Variants in ATP8A1 observed in about 807,000 individuals in gnomAD.
ATP8A1 encodes the protein ATPase phospholipid transporting 8A1, also known as phospholipid-transporting ATPase IA.
Under a neutral mutation model 177.7 loss-of-function variants are expected in ATP8A1, and 90 were observed. That is an observed-to-expected ratio of 0.51 (90% confidence interval 0.43 to 0.60). ATP8A1 has a LOEUF of 0.60. Ranked by LOEUF, ATP8A1 falls within the 20% of genes least tolerant of loss-of-function variation. The pLI is 0.00. For synonymous variants in ATP8A1, 493 were observed against 485.9 expected (o/e 1.01, Z -0.19); for missense variants, 1,072 against 1,392.8 (o/e 0.77, Z 3.67).
At chr4:42,506,160 G>C (rs768331337) in intron 23 of ATP8A1, among the ~76,000 whole-genome samples, 2 of 152,156 alleles carry the variant, frequency 1.3e-5, no homozygotes, top group Non-Finnish European at 2.9e-5. Flanking sequence ...GAATGTTTGT[G>C]TTCCCCCCAA....
chr4:42,494,442 T>A (rs1723065332), intron 24 of ATP8A1, among the ~76,000 whole-genome samples: 1 of 152,180 alleles, frequency 6.6e-6, no homozygotes, highest in Non-Finnish European at 1.5e-5. Flanking sequence ...GCCACTGCAC[T>A]CCAGACTGGG....
At chr4:42,434,983 G>C (rs946075430) in intron 33 of ATP8A1, among the ~76,000 whole-genome samples, 1 of 152,188 alleles carries the variant, frequency 6.6e-6, no homozygotes, top group African/African-American at 2.4e-5. Flanking sequence ...GTTTAATCCA[G>C]TTACTTTTTT....
intron 33 of ATP8A1, among the ~76,000 whole-genome samples, chr4:42,441,473 A>G (rs981462021): frequency 2.5e-4 from 38 of 152,322 alleles, no homozygotes; most frequent in Non-Finnish European, 1.0e-4. Context: ...TAACATAACT[A>G]GTGACCCTAT....
intron 33 of ATP8A1, among the ~76,000 whole-genome samples, chr4:42,436,127 G>A (rs926583754): frequency 2.0e-5 from 3 of 152,124 alleles, no homozygotes; most frequent in Non-Finnish European, 4.4e-5. Context: ...AAGCTGTGCC[G>A]TACCAGGAGC....
chr4:42,623,521 A>T (rs1377736852), intron 4 of ATP8A1, among the ~76,000 whole-genome samples: 1 of 152,236 alleles, frequency 6.6e-6, no homozygotes, highest in East Asian at 1.9e-4. Context: ...GCCATAAAAA[A>T]GAACGAGATC....
chr4:42,529,088 T>C (rs887742710), intron 20 of ATP8A1, among the ~76,000 whole-genome samples: 5 of 152,286 alleles, frequency 3.3e-5, no homozygotes, highest in Non-Finnish European at 2.9e-5. Flanking sequence ...CAAGTGACCC[T>C]AAAGGCCACT....
At chr4:42,535,366 GA>G (rs1254828328) in intron 20 of ATP8A1, among the ~76,000 whole-genome samples, 1 of 152,082 alleles carries the variant, frequency 6.6e-6, no homozygotes, top group African/African-American at 2.4e-5. Flanking sequence ...AAAAGACAAA[GA>G]GGGACATTAT....
At chr4:42,445,826 T>C (rs1717151592) in intron 31 of ATP8A1, among the ~76,000 whole-genome samples, 1 of 152,172 alleles carries the variant, frequency 6.6e-6, no homozygotes, top group Non-Finnish European at 1.5e-5. Flanking sequence ...ATGCCTTTAA[T>C]CCCAGCACTT....
intron 29 of ATP8A1, among the ~76,000 whole-genome samples, chr4:42,452,319 C>T (rs1157897958): frequency 2.0e-5 from 3 of 151,700 alleles, no homozygotes; most frequent in African/African-American, 7.3e-5. Context: ...AAATTTCTGC[C>T]TGAAAAAGAA....
chr4:42,436,883 T>C (rs561002594), intron 33 of ATP8A1, among the ~76,000 whole-genome samples: 1 of 152,348 alleles, frequency 6.6e-6, no homozygotes, highest in South Asian at 2.1e-4. Context: ...ATTTATTATG[T>C]TGGATAAAAT....
chr4:42,490,294 C>T (rs891056047), intron 24 of ATP8A1, among the ~76,000 whole-genome samples: 9 of 152,208 alleles, frequency 5.9e-5, no homozygotes, highest in Non-Finnish European at 8.8e-5. Flanking sequence ...CCCAACACAA[C>T]CTCTAGGTTC....
chr4:42,572,181 A>T (rs1447646503), intron 14 of ATP8A1, among the ~76,000 whole-genome samples: 1 of 152,216 alleles, frequency 6.6e-6, no homozygotes, highest in Non-Finnish European at 1.5e-5. Flanking sequence ...CTAGGGGCAT[A>T]AACACCTTGC....
At chr4:42,487,044 G>C (rs1156277361) in intron 24 of ATP8A1, among the ~76,000 whole-genome samples, 1 of 152,146 alleles carries the variant, frequency 6.6e-6, no homozygotes, top group Non-Finnish European at 1.5e-5. Flanking sequence ...TTAACTCCTA[G>C]TAACTAAGAG....
intron 20 of ATP8A1, among the ~76,000 whole-genome samples, chr4:42,531,876 T>C (rs1727293232): frequency 6.6e-6 from 1 of 152,010 alleles, no homozygotes. Flanking sequence ...CCTAGCAGTT[T>C]GGGAGGCTGA....
chr4:42,482,967 CA>C (rs1340772196), intron 25 of ATP8A1, among the ~76,000 whole-genome samples: 5 of 152,120 alleles, frequency 3.3e-5, no homozygotes, highest in Non-Finnish European at 7.4e-5. Flanking sequence ...AAATAATAAT[CA>C]GTATTTATCT....
chr4:42,556,875 A>G (rs1197096222), intron 15 of ATP8A1, among the ~76,000 whole-genome samples: 1 of 152,214 alleles, frequency 6.6e-6, no homozygotes, highest in Non-Finnish European at 1.5e-5. Context: ...ACTGAGGGAA[A>G]AAAATGTGTC....
chr4:42,520,820 A>T (rs1208773297), intron 22 of ATP8A1, among the ~76,000 whole-genome samples: 1 of 152,216 alleles, frequency 6.6e-6, no homozygotes, highest in Non-Finnish European at 1.5e-5. Flanking sequence ...ATTTATATTT[A>T]GGTATCTTCC....
chr4:42,484,863 T>C (rs1578027860), intron 25 of ATP8A1, among the ~76,000 whole-genome samples: 1 of 152,170 alleles, frequency 6.6e-6, no homozygotes, highest in South Asian at 2.1e-4. Flanking sequence ...ATATTCATCA[T>C]ATTCATGAAC....
intron 15 of ATP8A1, among the ~76,000 whole-genome samples, chr4:42,567,420 T>C (rs987113565): frequency 2.0e-5 from 3 of 152,048 alleles, no homozygotes; most frequent in Non-Finnish European, 4.4e-5. Flanking sequence ...ATGCCTGTAG[T>C]CCCAGCTACT....
Sources: gnomAD v4.1 joint callset for allele counts (sites outside exome capture counted in the v4.1 genomes callset) on GRCh38, gnomAD v4.1.1 for gene constraint, MANE v1.5 for transcripts, NCBI Gene and HGNC (gene_info 2026-07-23, HGNC 2026-07-21) for gene names.